The following SERPINI1 variants were observed in gnomAD, a reference collection of about 807,000 sequenced individuals.
The protein encoded by SERPINI1 is serpin family I member 1, also known as neuroserpin.
SERPINI1 carries 19 observed loss-of-function variants against 41.1 expected under a neutral mutation model. The ratio of observed to expected loss-of-function variants is 0.46; its 90% CI spans 0.32 to 0.68. The LOEUF (loss-of-function observed/expected upper bound fraction) is 0.68, where lower values mean the gene tolerates loss of function less well. Among genes scored for constraint, SERPINI1 ranks in the 30% least tolerant of loss-of-function variants. The probability of loss-of-function intolerance (pLI) is 0.03; values close to 1 mark genes in which losing one functional copy is unlikely to be tolerated. For synonymous variants in SERPINI1, 138 were observed against 156.6 expected, an observed-to-expected ratio of 0.88 and a Z score of 0.89; for missense variants, 460 against 479.2, an observed-to-expected ratio of 0.96 and a Z score of 0.37.
chr3:167,753,506 A>G (rs1409588924), intron 1 of SERPINI1, among the ~76,000 whole-genome samples: 1 of 152,146 alleles, frequency 6.6e-6, no homozygotes, highest in East Asian at 1.9e-4. Flanking sequence ...GTTTTTCAAA[A>G]CATAATTCTC....
intron 1 of SERPINI1, among the ~76,000 whole-genome samples, chr3:167,759,420 A>ATATATATATATATATATATATG (rs1726305264): frequency 6.7e-6 from 1 of 148,666 alleles, no homozygotes; most frequent in African/African-American, 2.5e-5. Context: ...ATATATATAT[A>ATATATATATATATATATATATG]TGCGCCATGC....
intron 5 of SERPINI1, among the ~76,000 whole-genome samples, chr3:167,803,140 G>T (rs1209361695): frequency 6.6e-6 from 1 of 151,856 alleles, no homozygotes; most frequent in Non-Finnish European, 1.5e-5. Context: ...GGTTGGGGGA[G>T]GGGGAGGGAT....
chr3:167,792,350 C>CAT lies in SERPINI1; in HGVS notation c.482-230_482-229dup, dbSNP rs1375321070. 1.6e-4 allele frequency among the ~76,000 whole-genome samples: 23 copies of CAT among 142,282 alleles called. No homozygotes were observed. In the East Asian group the frequency reaches 4.4e-3, roughly 27 times the overall value. 93.3% of individuals were successfully genotyped at this position (142,282 alleles called of 152,430 possible). A position where few individuals can be genotyped will look rare whatever the true frequency, so the allele number is the denominator to read the frequency against. ...TCTTTTTTATATATATATACACACA[C>CAT]ATATATATATACACACATATATATA... On this transcript the variant is annotated intron_variant, in intron 3 of 8. Transcript: ENST00000446050.
intron 1 of SERPINI1, among the ~76,000 whole-genome samples, chr3:167,739,358 T>G (rs1162709773): frequency 6.6e-6 from 1 of 152,216 alleles, no homozygotes; most frequent in African/African-American, 2.4e-5. Context: ...TGCGCTTTGA[T>G]AGACAGAGTC....
At chr3:167,770,093 A>G (rs955484281) in intron 1 of SERPINI1, among the ~76,000 whole-genome samples, 1 of 148,928 alleles carries the variant, frequency 6.7e-6, no homozygotes, top group Admixed American at 6.7e-5. Context: ...GCAACCTTAT[A>G]TATTCAGATA....
At chr3:167,762,899 G>A (rs1308961231) in intron 1 of SERPINI1, among the ~76,000 whole-genome samples, 1 of 151,842 alleles carries the variant, frequency 6.6e-6, no homozygotes, top group Non-Finnish European at 1.5e-5. Context: ...CCTCCTTTAC[G>A]AACAAATTGA....
chr3:167,794,691 G>A lies in SERPINI1; in HGVS notation c.748G>A (p.Glu250Lys), dbSNP rs754533393. 3.7e-6 allele frequency: 6 copies of A among 1,613,592 alleles called. No individual in the cohort carries two copies. In the African/African-American group the frequency reaches 8.0e-5, roughly 22 times the overall value. ...CCTAGAAATACCATATGAAGGAGAT[G>A]AAATAAGCATGATGCTGGTGCTGTC... The part of the protein sequence containing the change: ...QVLEIPYEGD[E>K]ISMMLVLSRQ... Residue 250 changes from glutamate to lysine, a missense_variant, in exon 5 of 9, where the codon GAA becomes AAA. Transcript: ENST00000446050.
At chr3:167,752,371 T>C (rs896801893) in intron 1 of SERPINI1, among the ~76,000 whole-genome samples, 44 of 152,308 alleles carry the variant, frequency 2.9e-4, no homozygotes, top group African/African-American at 9.4e-4. Context: ...TCTCTGCTTT[T>C]GTTCCAGCCT....
intron 3 of SERPINI1, among the ~76,000 whole-genome samples, chr3:167,791,050 T>A (rs1727489731): frequency 6.6e-6 from 1 of 152,202 alleles, no homozygotes; most frequent in South Asian, 2.1e-4. Flanking sequence ...TTAAAACATT[T>A]GTATATGATT....
intron 1 of SERPINI1, among the ~76,000 whole-genome samples, chr3:167,766,061 G>C (rs1369463954): frequency 6.6e-6 from 1 of 152,056 alleles, no homozygotes; most frequent in East Asian, 1.9e-4. Flanking sequence ...CTTCTTCTGA[G>C]CCCTCCAAAC....
intron 1 of SERPINI1, among the ~76,000 whole-genome samples, chr3:167,777,548 T>TG (rs1019733206): frequency 3.9e-5 from 6 of 152,150 alleles, no homozygotes; most frequent in African/African-American, 1.4e-4. Context: ...GGGAAGCACC[T>TG]GGGGAAAGCC....
chr3:167,758,131 T>C (rs1051416774), intron 1 of SERPINI1, among the ~76,000 whole-genome samples: 6 of 152,180 alleles, frequency 3.9e-5, no homozygotes, highest in Admixed American at 6.5e-5. Flanking sequence ...TTTGTCTTCA[T>C]TCTGGACCTG....
intron 5 of SERPINI1, among the ~76,000 whole-genome samples, chr3:167,797,291 A>G (rs1222567219): frequency 6.6e-6 from 1 of 152,140 alleles, no homozygotes. Context: ...CCCTTTCTGT[A>G]GGTTTTCTGT....
intron 1 of SERPINI1, among the ~76,000 whole-genome samples, chr3:167,756,104 T>G (rs1257952689): frequency 6.7e-6 from 1 of 149,998 alleles, no homozygotes; most frequent in African/African-American, 2.5e-5. Context: ...CAAAGGTTAG[T>G]TTTAGGACCA....
chr3:167,749,775 A>G (rs1030043596), intron 1 of SERPINI1, among the ~76,000 whole-genome samples: 1 of 152,200 alleles, frequency 6.6e-6, no homozygotes. Flanking sequence ...TTAATTTACT[A>G]TTGAATGCTG....
chr3:167,767,637 G>A lies in SERPINI1; in HGVS notation c.-18-21474G>A, dbSNP rs76418145. On this transcript the variant is annotated intron_variant, in intron 1 of 8. Coordinates refer to ENST00000446050, the MANE Select transcript of SERPINI1 (RefSeq NM_001122752.2). Reference sequence around the variant, plus strand: ...TTTAGTGATGCCATTTGGAAAAAATGTTATCTTTTTTGTAAAGAAAATTTT... The same window carrying A: ...TTTAGTGATGCCATTTGGAAAAAATATTATCTTTTTTGTAAAGAAAATTTT... Among the ~76,000 whole-genome samples, 995 of 152,242 alleles carry A rather than the reference G, an allele frequency of 6.5e-3. 5 individuals carry two copies. Among genetic ancestry groups the A allele is most frequent in the African/African-American group, 0.021 (856 of 41,552 alleles).
chr3:167,792,948 T>C (rs1449314132), intron 4 of SERPINI1, among the ~76,000 whole-genome samples, 164 bp downstream of exon 4: 2 of 152,154 alleles, frequency 1.3e-5, no homozygotes, highest in Non-Finnish European at 2.9e-5. Context: ...TCTGAGTAAA[T>C]ATTATATTCA....
At chr3:167,754,687 GT>G (rs1559996241) in intron 1 of SERPINI1, among the ~76,000 whole-genome samples, 1 of 152,206 alleles carries the variant, frequency 6.6e-6, no homozygotes, top group African/African-American at 2.4e-5. Flanking sequence ...CAGAAGGGAA[GT>G]TGATTGAATA....
rs137969380 is a variant in SERPINI1 at position 167,814,488 on chromosome 3, G to C, written c.979+7147G>C. ...CACAGAGACACTTTTGGTATGCTAG[G>C]GTTCTGTTATAATACTCTCGTCATT... On this transcript the variant is annotated intron_variant, in intron 6 of 8. Transcript: ENST00000446050. 1.0e-3 allele frequency among the ~76,000 whole-genome samples: 157 copies of C among 152,280 alleles called. 1 individual carries two copies. The highest frequency in any genetic ancestry group is 8.4e-3 in the Admixed American group (128 of 15,292).
Sources: gnomAD v4.1 joint callset for allele counts (sites outside exome capture counted in the v4.1 genomes callset) on GRCh38, gnomAD v4.1.1 for gene constraint, MANE v1.5 for transcripts, NCBI Gene and HGNC (gene_info 2026-07-23, HGNC 2026-07-21) for gene names.